DOP1B: variants seen among roughly 807,000 people sequenced by gnomAD.
DOP1B encodes DOP1 leucine zipper like protein B.
A neutral mutation model predicts 233.5 loss-of-function variants in DOP1B; 174 were observed. The observed-to-expected ratio is 0.75, with a 90% CI of 0.66 to 0.85. DOP1B has a LOEUF of 0.85. Among genes scored for constraint, DOP1B ranks in the 40% least tolerant of loss-of-function variants. The pLI, the probability that DOP1B is intolerant of heterozygous loss-of-function variation, is 0.00. For synonymous variants in DOP1B, 1,190 were observed against 1,185.6 expected (o/e 1.00, Z -0.08); for missense variants, 2,652 against 2,846.6 (o/e 0.93, Z 1.56).
intron 10 of DOP1B, among the ~76,000 whole-genome samples, chr21:36,222,411 G>A (rs546319632): frequency 2.3e-4 from 35 of 151,482 alleles, no homozygotes; most frequent in African/African-American, 7.2e-4. Flanking sequence ...GTGAAACCCC[G>A]TCTCTACTAA....
intron 2 of DOP1B, among the ~76,000 whole-genome samples, chr21:36,166,485 G>T (rs986955451): frequency 1.3e-5 from 2 of 151,844 alleles, no homozygotes; most frequent in Admixed American, 6.6e-5. Flanking sequence ...GTGCCAAAAA[G>T]GTTGGGAACC....
At chr21:36,248,670 A>G (rs2066997802) in intron 21 of DOP1B, 102 bp downstream of exon 21, 2 of 1,142,632 alleles carry the variant, frequency 1.8e-6, no homozygotes, top group South Asian at 2.4e-5. Flanking sequence ...AGATGTGCTC[A>G]ATGAAACCCA....
At chr21:36,165,804 C>T (rs2065905249) in intron 2 of DOP1B, among the ~76,000 whole-genome samples, 1 of 151,680 alleles carries the variant, frequency 6.6e-6, no homozygotes, top group Non-Finnish European at 1.5e-5. Flanking sequence ...CAACCTCCAC[C>T]TCCCAGGTTC....
intron 27 of DOP1B, among the ~76,000 whole-genome samples, chr21:36,272,039 G>C (rs1394731626): frequency 1.3e-5 from 2 of 151,856 alleles, no homozygotes; most frequent in Non-Finnish European, 2.9e-5. Flanking sequence ...CCCAGTGCCA[G>C]TAGAGCTTAA....
intron 2 of DOP1B, among the ~76,000 whole-genome samples, chr21:36,186,430 A>G (rs528707806): frequency 4.0e-5 from 6 of 151,702 alleles, no homozygotes; most frequent in Non-Finnish European, 7.4e-5. Flanking sequence ...GTGTGTGTGT[A>G]TATGTATGGG....
intron 21 of DOP1B, among the ~76,000 whole-genome samples, chr21:36,250,513 C>A (rs1168140405): frequency 3.9e-5 from 6 of 152,048 alleles, no homozygotes; most frequent in Admixed American, 3.9e-4. Context: ...AGCTGAGGCC[C>A]CAGGCGGAGA....
rs1601427919 is a variant in DOP1B at position 36,227,714 on chromosome 21, A to G, written c.1502A>G (p.Tyr501Cys). The change falls in exon 13 of 37, where the codon TAT becomes TGT. Residue 501 changes from tyrosine (Y) to cysteine (C), a missense_variant. Physicochemically the swap from Tyr to Cys is radical, Grantham distance 194. This residue lies in a region of DOP1B where 2,617 missense variants were observed against 2,794.3 expected (regional missense o/e 0.94). Coordinates refer to ENST00000691173, the MANE Select transcript of DOP1B (RefSeq NM_001320714.2). ...LELYSEVQTQ[Y>C]LPQVLGCLVQ... ...CTTTACTCTGAGGTGCAAACCCAGT[A>G]TCTCCCTCAGGTGCTCGGCTGCCTG... 1 of 1,582,374 alleles carries G rather than the reference A, an allele frequency of 6.3e-7. No individual in the cohort carries two copies. The highest frequency in any genetic ancestry group is 1.3e-5 in the African/African-American group (1 of 74,124).
intron 23 of DOP1B, among the ~76,000 whole-genome samples, chr21:36,257,405 C>G (rs1184686142): frequency 6.6e-6 from 1 of 152,190 alleles, no homozygotes; most frequent in Non-Finnish European, 1.5e-5. Context: ...CCTGCCTGTT[C>G]AGATTCTTCT....
intron 11 of DOP1B, among the ~76,000 whole-genome samples, chr21:36,223,815 T>C (rs2066652393): frequency 6.6e-6 from 1 of 152,176 alleles, no homozygotes; most frequent in Admixed American, 6.6e-5. Flanking sequence ...CCGGGTGAAT[T>C]GCACCACCCC....
rs527350420 is a variant in DOP1B at position 36,207,503 on chromosome 21, T to G, written c.492-1212T>G. On this transcript the variant is annotated intron_variant, in intron 4 of 36. Transcript: ENST00000691173. Reference sequence around the variant, plus strand: ...CCCAGCCAAACAGTTTTTTTTGTTTTTTTTTTTTTTTTTTTTGAGGGGACT... The same window carrying G: ...CCCAGCCAAACAGTTTTTTTTGTTTGTTTTTTTTTTTTTTTTGAGGGGACT... Among the ~76,000 whole-genome samples, 25 of 139,534 alleles carry G rather than the reference T, an allele frequency of 1.8e-4. No individual in the cohort carries two copies. In the South Asian group the frequency reaches 4.5e-3, roughly 25 times the overall value. The allele number at this position is 139,534 out of a possible 152,430, so 91.5% of individuals were successfully genotyped here.
intron 20 of DOP1B, 113 bp downstream of exon 20, chr21:36,247,741 G>A (rs967260374): frequency 1.3e-5 from 9 of 691,884 alleles, no homozygotes; most frequent in African/African-American, 5.5e-5. Context: ...ACTAATATGC[G>A]TATGGAGGTG....
intron 1 of DOP1B, among the ~76,000 whole-genome samples, chr21:36,160,471 A>T (rs1372450166): frequency 1.4e-5 from 2 of 139,522 alleles, no homozygotes; most frequent in South Asian, 2.3e-4. Context: ...TTCTATTTTA[A>T]GTTTTCTTTT....
intron 2 of DOP1B, among the ~76,000 whole-genome samples, chr21:36,186,647 A>G (rs1290813081): frequency 1.3e-5 from 2 of 152,062 alleles, no homozygotes; most frequent in African/African-American, 4.8e-5. Context: ...CTCCCCTGAC[A>G]TGTCTACATG....
Position 36,209,160 on chromosome 21 carries a change from C to T in DOP1B, c.681+256C>T, listed in dbSNP as rs540628182. Among the ~76,000 whole-genome samples, 6 of 152,264 alleles carry T rather than the reference C, an allele frequency of 3.9e-5. No individual in the cohort carries two copies. In the East Asian group the frequency reaches 1.2e-3, roughly 29 times the overall value. The stretch of plus-strand genomic sequence containing the variant: ...GTTTTGAGACGGAGTCTCGCTCTGT[C>T]GCCGAGGCTGGGGTGCAGTGGCACA... On this transcript the variant is annotated intron_variant, in intron 5 of 36. Transcript: ENST00000691173.
intron 10 of DOP1B, 54 bp downstream of exon 10, chr21:36,219,546 T>G: frequency 6.7e-7 from 1 of 1,501,720 alleles, no homozygotes; most frequent in Non-Finnish European, 9.0e-7. Flanking sequence ...GGTACTGTGA[T>G]TTTTTTTTTC....
At chr21:36,237,204 G>A in intron 15 of DOP1B, 58 bp from the exon 16 acceptor site, 1 of 1,608,950 alleles carries the variant, frequency 6.2e-7, no homozygotes, top group Non-Finnish European at 8.5e-7. Flanking sequence ...GTGAGGATGT[G>A]AGCGGATGTT....
chr21:36,214,332 G>T, intron 8 of DOP1B, 110 bp from the exon 9 acceptor site: 2 of 1,293,684 alleles, frequency 1.5e-6, no homozygotes, highest in Non-Finnish European at 2.2e-6. Flanking sequence ...TGCATGCTGG[G>T]TGACTGGTTT....
chr21:36,188,903 A>G (rs2066197143), intron 2 of DOP1B, among the ~76,000 whole-genome samples: 1 of 152,110 alleles, frequency 6.6e-6, no homozygotes, highest in South Asian at 2.1e-4. Flanking sequence ...TCCACTCCCC[A>G]CCCATATGGT....
intron 19 of DOP1B, among the ~76,000 whole-genome samples, chr21:36,247,281 G>A (rs193151840): frequency 6.6e-6 from 1 of 152,280 alleles, no homozygotes; most frequent in African/African-American, 2.4e-5. Context: ...ATAAAAATGT[G>A]AATCATCTTC....
Sources: gnomAD v4.1 joint callset for allele counts (sites outside exome capture counted in the v4.1 genomes callset) on GRCh38, gnomAD v4.1.1 for gene constraint, gnomAD v4.1.1 regional missense constraint, MANE v1.5 for transcripts, NCBI Gene and HGNC (gene_info 2026-07-23, HGNC 2026-07-21) for gene names.